Variants in SPECC1 observed in about 807,000 individuals in gnomAD.
The protein encoded by SPECC1 is sperm antigen with calponin homology and coiled-coil domains 1, also known as cytospin-B.
A neutral mutation model predicts 104.1 loss-of-function variants in SPECC1; 62 were observed. That is an observed-to-expected ratio of 0.60 (90% CI 0.49 to 0.74). SPECC1 has a LOEUF of 0.74. SPECC1 is among the 30% of genes least tolerant of loss of function. SPECC1 has a pLI of 0.00. For missense variants in SPECC1, 1,306 were observed against 1,310.5 expected (o/e 1.00, Z 0.05); for synonymous variants, 513 against 501.6 (o/e 1.02, Z -0.30).
intron 12 of SPECC1, among the ~76,000 whole-genome samples, chr17:20,283,240 G>GA (rs2040834932): frequency 6.6e-6 from 1 of 152,150 alleles, no homozygotes; most frequent in Admixed American, 6.5e-5. Context: ...AGCAGAAATG[G>GA]AAAGGCATTC....
At chr17:20,050,168 A>G (rs1361922960) in intron 1 of SPECC1, among the ~76,000 whole-genome samples, 1 of 152,200 alleles carries the variant, frequency 6.6e-6, no homozygotes, top group African/African-American at 2.4e-5. Flanking sequence ...GCACATGTAT[A>G]CCTATGTAAT....
intron 7 of SPECC1, chr17:20,236,933 C>T (rs769637797): frequency 1.5e-5 from 24 of 1,612,984 alleles, no homozygotes; most frequent in South Asian, 3.3e-5. Context: ...GATTGGGAGC[C>T]GCAGCCATCT....
chr17:20,270,467 A>AAC (rs2040369704), intron 12 of SPECC1, among the ~76,000 whole-genome samples: 1 of 108,370 alleles, frequency 9.2e-6, no homozygotes, highest in Non-Finnish European at 1.8e-5. Flanking sequence ...AAAAAAAAAA[A>AAC]CATTAGCCGG....
At chr17:20,081,876 G>C (rs1399616406) in intron 1 of SPECC1, among the ~76,000 whole-genome samples, 5 of 152,084 alleles carry the variant, frequency 3.3e-5, no homozygotes, top group Non-Finnish European at 7.4e-5. Context: ...CACCCCAGGA[G>C]CCCCTGGGGC....
At chr17:20,206,005 G>A (rs1567940014) in intron 4 of SPECC1, 93 bp downstream of exon 4, 1 of 1,477,302 alleles carries the variant, frequency 6.8e-7, no homozygotes, top group African/African-American at 1.4e-5. Context: ...AGAAGCATTT[G>A]CTTAGTCTGT....
intron 3 of SPECC1, among the ~76,000 whole-genome samples, chr17:20,129,220 C>G (rs1236882519): frequency 6.2e-5 from 9 of 144,738 alleles, no homozygotes; most frequent in African/African-American, 2.3e-4. Context: ...GAGTCTCACT[C>G]TATCACCAGG....
chr17:20,194,405 T>G (rs961391712), intron 3 of SPECC1, among the ~76,000 whole-genome samples: 3 of 151,746 alleles, frequency 2.0e-5, no homozygotes, highest in Non-Finnish European at 4.4e-5. Flanking sequence ...GCTCTATAAA[T>G]CAAGTTTAAT....
intron 1 of SPECC1, among the ~76,000 whole-genome samples, chr17:20,037,969 A>G (rs780313785): frequency 9.2e-5 from 14 of 152,076 alleles, no homozygotes; most frequent in East Asian, 1.9e-4. Context: ...CCAATTATCT[A>G]TTTCATATTG....
chr17:20,181,526 T>G (rs1015580214), intron 3 of SPECC1, among the ~76,000 whole-genome samples: 10 of 152,098 alleles, frequency 6.6e-5, no homozygotes, highest in African/African-American at 2.4e-4. Context: ...AAATATAAAT[T>G]CACAAATTGT....
chr17:20,228,741 ATGAACTCATAGTTTGCTT>A (rs1665357126), intron 5 of SPECC1, among the ~76,000 whole-genome samples: 1 of 152,244 alleles, frequency 6.6e-6, no homozygotes, highest in South Asian at 2.1e-4. Flanking sequence ...TGGCTTATTT[ATGAACTCATAGTTTGCTT>A]TGAATTGGGA....
At chr17:20,091,980 A>G (rs1450299496) in intron 1 of SPECC1, among the ~76,000 whole-genome samples, 4 of 152,218 alleles carry the variant, frequency 2.6e-5, no homozygotes, top group African/African-American at 7.2e-5. Context: ...TTCAGGGAGC[A>G]GGAGACGTGT....
intron 7 of SPECC1, among the ~76,000 whole-genome samples, chr17:20,235,933 C>A (rs2038885371): frequency 6.6e-6 from 1 of 152,224 alleles, no homozygotes; most frequent in Non-Finnish European, 1.5e-5. Context: ...ATTGGCTTAA[C>A]TCCATGTGTG....
chr17:20,134,990 A>G (rs1417672303), intron 3 of SPECC1, among the ~76,000 whole-genome samples: 2 of 152,242 alleles, frequency 1.3e-5, no homozygotes, highest in Admixed American at 6.5e-5. Flanking sequence ...ATGGAATATT[A>G]AAGTTCCAGT....
chr17:20,237,895 G>A (rs990318309), intron 7 of SPECC1: 27 of 339,210 alleles, frequency 8.0e-5, no homozygotes, highest in African/African-American at 4.4e-4. Context: ...GGCATGTGCC[G>A]TCACTCCTGG....
At chr17:20,041,990 T>A (rs72843505) in intron 1 of SPECC1, among the ~76,000 whole-genome samples, 8,145 of 152,294 alleles carry the variant, frequency 0.053, 291 homozygotes, top group Non-Finnish European at 0.079. Context: ...GCTCTCTTAG[T>A]GCTAGTGTCT....
In SPECC1 at chr17:20,316,338, T is replaced by G. The variant is rs2042040024; in HGVS notation, c.*2273T>G. ...TTGGGATACCCGGAGTGGGAGTGGG[T>G]GTTTTCTGTGATTGGTTCTGTTTTT... is the stretch of plus-strand genomic sequence containing the variant. On this transcript the variant is annotated 3_prime_UTR_variant, in exon 15 of 15. Transcript: ENST00000395527. 1.7e-5 allele frequency: 4 copies of G among 228,784 alleles called. No individual in the cohort carries two copies. In the South Asian group the frequency reaches 7.3e-4, roughly 42 times the overall value. 14.2% of individuals were successfully genotyped at this position (228,784 alleles called of 1,614,324 possible).
chr17:20,159,677 T>C (rs1474350647), intron 3 of SPECC1, among the ~76,000 whole-genome samples: 1 of 152,186 alleles, frequency 6.6e-6, no homozygotes, highest in African/African-American at 2.4e-5. Flanking sequence ...TGACTTAACA[T>C]GGTATTGCAG....
At chr17:20,311,782 T>C (rs2041941110) in intron 14 of SPECC1, among the ~76,000 whole-genome samples, 1 of 152,160 alleles carries the variant, frequency 6.6e-6, no homozygotes, top group South Asian at 2.1e-4. Flanking sequence ...CAGCTGTTGG[T>C]TTTTTATACA....
rs537786738 is a variant in SPECC1 at position 20,310,743 on chromosome 17, A to T, written c.3118-3233A>T. Reference sequence around the variant, plus strand: ...ACTGGGTGCTGGCATGCCCCCGTGGAGGGAGGTCACCATGCAGCAATTCCT... The same window carrying T: ...ACTGGGTGCTGGCATGCCCCCGTGGTGGGAGGTCACCATGCAGCAATTCCT... On this transcript the variant is annotated intron_variant, in intron 14 of 14. Transcript: ENST00000395527. Among the ~76,000 whole-genome samples the T allele has an allele frequency of 8.5e-5, 13 of 152,310 alleles. 1 individual carries two copies. In the South Asian group the frequency reaches 2.7e-3, roughly 32 times the overall value.
Sources: allele counts gnomAD v4.1 joint callset (sites outside exome capture counted in the v4.1 genomes callset), GRCh38; gene constraint gnomAD v4.1.1; transcripts MANE v1.5; gene names NCBI Gene and HGNC (gene_info 2026-07-23, HGNC 2026-07-21).